CCDC191: variants seen among roughly 807,000 people sequenced by gnomAD.
The protein encoded by CCDC191 is coiled-coil domain-containing protein 191.
CCDC191 carries 99 observed loss-of-function variants against 114.0 expected under a neutral mutation model. The observed-to-expected ratio is 0.87, with a 90% CI of 0.74 to 1.03. CCDC191 has a LOEUF of 1.03. Ranked by LOEUF, CCDC191 falls within the 50% of genes least tolerant of loss-of-function variation. The pLI is 0.00. For missense variants in CCDC191, 973 were observed against 1,087.0 expected, an observed-to-expected ratio of 0.90 and a Z score of 1.47; for synonymous variants, 351 against 376.0, an observed-to-expected ratio of 0.93 and a Z score of 0.77.
chr3:114,024,452 A>C (rs909519808), intron 7 of CCDC191, among the ~76,000 whole-genome samples: 12 of 152,216 alleles, frequency 7.9e-5, no homozygotes, highest in Non-Finnish European at 1.3e-4. Flanking sequence ...AACCAACCCA[A>C]ATGTCCAACA....
At chr3:114,014,145 C>T (rs2076119247) in intron 8 of CCDC191, among the ~76,000 whole-genome samples, 1 of 152,152 alleles carries the variant, frequency 6.6e-6, no homozygotes, top group Admixed American at 6.5e-5. Flanking sequence ...TGATGCAGAA[C>T]ATAAAAAAGC....
chr3:114,012,912 A>T (rs1241077903), intron 8 of CCDC191, among the ~76,000 whole-genome samples: 2 of 152,224 alleles, frequency 1.3e-5, no homozygotes, highest in African/African-American at 4.8e-5. Context: ...TGCATGTTCA[A>T]TATAGGGCTT....
intron 11 of CCDC191, chr3:114,004,219 C>T (rs2075905153): frequency 1.0e-6 from 1 of 975,344 alleles, no homozygotes; most frequent in Admixed American, 6.2e-5. Flanking sequence ...AAAATAATAA[C>T]TTATCTTGGA....
At chr3:113,996,297 G>A (rs992132378) in intron 13 of CCDC191, among the ~76,000 whole-genome samples, 1 of 152,174 alleles carries the variant, frequency 6.6e-6, no homozygotes, top group Non-Finnish European at 1.5e-5. Context: ...TAAGGTGTAA[G>A]GAAGGGGTCC....
chr3:114,014,307 G>A (rs546563733), intron 8 of CCDC191, among the ~76,000 whole-genome samples: 1 of 152,294 alleles, frequency 6.6e-6, no homozygotes, highest in African/African-American at 2.4e-5. Flanking sequence ...AGCGAGCCAG[G>A]CTATGAAAGC....
At chr3:114,010,328 T>C (rs1426451093) in intron 9 of CCDC191, among the ~76,000 whole-genome samples, 1 of 152,210 alleles carries the variant, frequency 6.6e-6, no homozygotes, top group Non-Finnish European at 1.5e-5. Context: ...GACAGAATTA[T>C]AGGAGTTTTT....
intron 16 of CCDC191, among the ~76,000 whole-genome samples, chr3:113,975,682 G>A (rs1941273101): frequency 6.6e-6 from 1 of 152,174 alleles, no homozygotes; most frequent in South Asian, 2.1e-4. Context: ...CAAGTAGGGT[G>A]GTTAGGGAGG....
At chr3:114,028,708 C>T (rs2076361079) in intron 7 of CCDC191, among the ~76,000 whole-genome samples, 1 of 151,678 alleles carries the variant, frequency 6.6e-6, no homozygotes, top group African/African-American at 2.4e-5. Context: ...AAAGACTACA[C>T]TGAAACCTGT....
In CCDC191 at chr3:114,035,014, C is replaced by G. The variant is rs1301651015; in HGVS notation, c.729G>C (p.Lys243Asn). The change falls in exon 6 of 17, where the codon AAG becomes AAC. Residue 243 changes from lysine to asparagine, a missense_variant. Lys to Asn is a moderately conservative substitution (Grantham distance 94, BLOSUM62 0). Coordinates refer to ENST00000295878, the MANE Select transcript of CCDC191 (RefSeq NM_020817.2). ...EEKKRKALEA[K>N]KEEEEIQREM... ...CCCTTTGAATCTCCTCTTCCTCTTTCTTGGCCTCCAGAGCCTTCCTTTTCT... is the reference window on the plus strand; with the variant it reads ...CCCTTTGAATCTCCTCTTCCTCTTTGTTGGCCTCCAGAGCCTTCCTTTTCT... 1.2e-6 allele frequency: 2 copies of G among 1,614,078 alleles called. No homozygotes were observed. Among genetic ancestry groups the G allele is most frequent in the Non-Finnish European group, 1.7e-6 (2 of 1,179,992 alleles).
rs2075745426 is a variant in CCDC191, at chr3:113,997,239, A to T, written c.2163+4356T>A. Among the ~76,000 whole-genome samples the T allele has an allele frequency of 2.0e-5, 3 of 152,214 alleles. No individual in the cohort carries two copies. The South Asian group carries it at 6.2e-4, about 31-fold the overall frequency. On this transcript the variant is annotated intron_variant, in intron 13 of 16. Coordinates refer to ENST00000295878, the MANE Select transcript of CCDC191 (RefSeq NM_020817.2). ...TACAAATAAGCAAGAAGGGAAGCAT[A>T]GGATAAACCCTCTAGTGCTGGATTA...
intron 8 of CCDC191, among the ~76,000 whole-genome samples, chr3:114,012,822 T>C (rs1283464042): frequency 6.6e-6 from 1 of 152,142 alleles, no homozygotes; most frequent in Non-Finnish European, 1.5e-5. Context: ...GGAGATTATT[T>C]GGACATTATG....
chr3:113,994,886 C>T (rs1034792724), intron 13 of CCDC191, among the ~76,000 whole-genome samples: 29 of 152,036 alleles, frequency 1.9e-4, no homozygotes, highest in Admixed American at 1.7e-3. Context: ...GAACTGAAAA[C>T]TTATGAGTCC....
intron 14 of CCDC191, 56 bp from the exon 15 acceptor site, chr3:113,979,066 A>G: frequency 1.3e-6 from 2 of 1,503,722 alleles, no homozygotes; most frequent in Non-Finnish European, 1.8e-6. Context: ...TCATTTAAAC[A>G]AACACATCAC....
intron 4 of CCDC191, among the ~76,000 whole-genome samples, chr3:114,039,053 C>T (rs549801603): frequency 6.6e-5 from 10 of 151,986 alleles, no homozygotes; most frequent in Non-Finnish European, 1.2e-4. Context: ...TAAAATAAAG[C>T]ACCCTCAAAA....
chr3:114,003,709 A>T, intron 11 of CCDC191: 1 of 985,470 alleles, frequency 1.0e-6, no homozygotes, highest in Non-Finnish European at 1.2e-6. Flanking sequence ...CTGTCCTGGC[A>T]GATAGTTAAT....
intron 7 of CCDC191, among the ~76,000 whole-genome samples, chr3:114,031,381 AC>A (rs749181221): frequency 6.6e-6 from 1 of 152,012 alleles, no homozygotes; most frequent in Non-Finnish European, 1.5e-5. Flanking sequence ...TCCACAATTT[AC>A]CCCCCTCACC....
chr3:114,013,049 A>G (rs2107685496), intron 8 of CCDC191, among the ~76,000 whole-genome samples: 1 of 152,202 alleles, frequency 6.6e-6, no homozygotes, highest in South Asian at 2.1e-4. Context: ...CAGGAGTTTG[A>G]GACTTGGGCC....
chr3:114,005,731 A>G lies in CCDC191; in HGVS notation c.1645T>C (p.Leu549=). Residue 549 remains leucine (L), a synonymous_variant, in exon 10 of 17, where the codon TTG becomes CTG. Coordinates refer to ENST00000295878, the MANE Select transcript of CCDC191 (RefSeq NM_020817.2). ...TTSQKAEPLC[L]GHFHNRHVFQ... The stretch of plus-strand genomic sequence containing the variant: ...ACATGGCGGTTGTGGAAATGACCCA[A>G]GCAAAGCGGTTCTGCTTTCTGGCTG... 1.2e-6 allele frequency: 2 copies of G among 1,614,104 alleles called. No homozygotes were observed. Among genetic ancestry groups the G allele is most frequent in the Non-Finnish European group, 1.7e-6 (2 of 1,179,982 alleles).
At position 114,032,289 on chromosome 3, in the gene CCDC191, G is replaced by T. The variant is rs181145493; in HGVS notation, c.819-510C>A. On this transcript the variant is annotated intron_variant, in intron 6 of 16. Coordinates refer to ENST00000295878, the MANE Select transcript of CCDC191 (RefSeq NM_020817.2). ...AAATAGCTGAAAAGAGAAAAAAATA[G>T]AACTTAAAAAGGAAAAGGACTTTAG... Among the ~76,000 whole-genome samples the T allele has an allele frequency of 9.7e-4, 148 of 152,228 alleles. 2 individuals carry two copies. Among genetic ancestry groups the T allele is most frequent in the African/African-American group, 3.4e-3 (141 of 41,558 alleles).
Sources: allele counts gnomAD v4.1 joint callset (sites outside exome capture counted in the v4.1 genomes callset), GRCh38; gene constraint gnomAD v4.1.1; transcripts MANE v1.5; gene names NCBI Gene and HGNC (gene_info 2026-07-23, HGNC 2026-07-21).